Variants in MFN1 observed in about 807,000 individuals in gnomAD.
MFN1 encodes mitofusin 1.
A neutral mutation model predicts 92.4 loss-of-function variants in MFN1; 65 were observed. That is an observed-to-expected ratio of 0.70 (90% CI 0.58 to 0.86). The LOEUF (loss-of-function observed/expected upper bound fraction) is 0.86, where lower values mean the gene tolerates loss of function less well. MFN1 is among the 40% of genes least tolerant of loss of function. The pLI is 0.00. For synonymous variants in MFN1, 297 were observed against 300.9 expected (o/e 0.99, Z 0.13); for missense variants, 781 against 868.0 (o/e 0.90, Z 1.26).
At position 179,378,422 on chromosome 3, in the gene MFN1, C is replaced by T; in HGVS notation, c.1411C>T (p.Gln471Ter). 1.3e-6 allele frequency: 2 copies of T among 1,596,862 alleles called. No homozygotes were observed. Among genetic ancestry groups the T allele is most frequent in the Non-Finnish European group, 1.7e-6 (2 of 1,175,372 alleles). ...CGATGAAGTAAACGCCTTAGTGCTT[C>T]AGACCCAGCAAGAAATTATTGGTAA... is the stretch of plus-strand genomic sequence containing the variant. ...CTDEVNALVL[Q>*]TQQEIIENLK... Residue 471 changes from glutamine to a stop codon, truncating the protein, a stop_gained, in exon 13 of 18, where the codon CAG becomes TAG. Transcript: ENST00000471841. LOFTEE classifies it high-confidence loss of function.
intron 12 of MFN1, 62 bp from the exon 13 acceptor site, chr3:179,378,279 C>T: frequency 8.1e-7 from 1 of 1,233,112 alleles, no homozygotes; most frequent in Non-Finnish European, 1.2e-6. Context: ...TATTTTATGT[C>T]TTTATAAAAA....
rs79382633 is a variant in MFN1 at position 179,393,844 on chromosome 3, T to C, written c.*1785T>C. 1.5e-3 allele frequency: 231 copies of C among 152,380 alleles called. 7 individuals are homozygous for C. The East Asian group carries it at 0.038, about 25-fold the overall frequency. 9.4% of individuals were successfully genotyped at this position (152,380 alleles called of 1,614,324 possible). A position where few individuals can be genotyped will look rare whatever the true frequency, so the allele number is the denominator to read the frequency against. ...TACAGTGGTTCTCAAAGTTTGGTCCTGGGTCATCGACATTACTTCTTTTTC... is the reference window on the plus strand; with the variant it reads ...TACAGTGGTTCTCAAAGTTTGGTCCCGGGTCATCGACATTACTTCTTTTTC... On this transcript the variant is annotated 3_prime_UTR_variant, in exon 18 of 18. Transcript: ENST00000471841.
intron 3 of MFN1, among the ~76,000 whole-genome samples, chr3:179,355,164 T>C (rs1220927350): frequency 6.6e-6 from 1 of 152,168 alleles, no homozygotes; most frequent in Non-Finnish European, 1.5e-5. Flanking sequence ...AAACTGTATG[T>C]ATTATATACA....
At chr3:179,349,369 C>G (rs963417370) in intron 2 of MFN1, among the ~76,000 whole-genome samples, 1 of 152,212 alleles carries the variant, frequency 6.6e-6, no homozygotes, top group Non-Finnish European at 1.5e-5. Flanking sequence ...ATACTTGTCT[C>G]CTCCCCAATT....
chr3:179,362,035 G>A (rs917879313), intron 4 of MFN1, among the ~76,000 whole-genome samples: 8 of 152,094 alleles, frequency 5.3e-5, no homozygotes, highest in Non-Finnish European at 8.8e-5. Flanking sequence ...TCTTCCATAT[G>A]ACTAAGTGAT....
chr3:179,351,925 TCGAATAGCCA>T lies in MFN1; in HGVS notation c.140_149del (p.Arg47LeufsTer6). 1 of 1,607,338 alleles carries T rather than the reference TCGAATAGCCA, an allele frequency of 6.2e-7. No individual in the cohort carries two copies. On this transcript the variant is annotated frameshift_variant, in exon 3 of 18. Coordinates refer to ENST00000471841, the MANE Select transcript of MFN1 (RefSeq NM_033540.3). LOFTEE classifies it high-confidence loss of function. ...CAACATATAAGAATCCGGAACTTGA[TCGAATAGCCA>T]CTGAAGATGATCTGGTAGAAATGCA... is the stretch of plus-strand genomic sequence containing the variant.
intron 9 of MFN1, among the ~76,000 whole-genome samples, chr3:179,370,440 G>A (rs1275985047): frequency 4.2e-5 from 5 of 118,586 alleles, no homozygotes; most frequent in African/African-American, 1.3e-4. Flanking sequence ...CTCTGTCGCC[G>A]CCAGGCTGGA....
chr3:179,364,488 A>G (rs1463060936), intron 6 of MFN1, 83 bp downstream of exon 6: 9 of 1,108,660 alleles, frequency 8.1e-6, no homozygotes, highest in Admixed American at 2.1e-5. Context: ...AGGGAAATCC[A>G]TATCGTGGAT....
chr3:179,374,275 C>G (rs1222041406), intron 9 of MFN1, among the ~76,000 whole-genome samples: 4 of 144,798 alleles, frequency 2.8e-5, no homozygotes, highest in African/African-American at 9.9e-5. Context: ...TGCACTCCAG[C>G]CTTGGTGACA....
intron 14 of MFN1, among the ~76,000 whole-genome samples, chr3:179,382,825 A>G (rs954420072): frequency 6.6e-6 from 1 of 152,216 alleles, no homozygotes; most frequent in African/African-American, 2.4e-5. Flanking sequence ...ATGGCCAGTG[A>G]TGATGAACAT....
Position 179,367,661 on chromosome 3 carries a change from A to G in MFN1, c.907+69A>G, listed in dbSNP as rs991914341. 6.6e-6 allele frequency: 9 copies of G among 1,364,104 alleles called. No individual in the cohort carries two copies. The African/African-American group carries it at 8.9e-5, about 13-fold the overall frequency. 84.5% of individuals were successfully genotyped at this position (1,364,104 alleles called of 1,614,324 possible). ...TAAAATTGGCTGGGTGCGGTGGCTC[A>G]CGCCTGTAATCCCAGCACTTTGGAA... On this transcript the variant is annotated intron_variant, in intron 8 of 17. Transcript: ENST00000471841.
chr3:179,357,720 A>G (rs1392050737), intron 3 of MFN1, among the ~76,000 whole-genome samples: 2 of 152,162 alleles, frequency 1.3e-5, no homozygotes, highest in East Asian at 1.9e-4. Flanking sequence ...CCTTTTTCCT[A>G]TGACTGCATA....
chr3:179,390,275 C>T, intron 17 of MFN1, 137 bp downstream of exon 17: 1 of 799,820 alleles, frequency 1.3e-6, no homozygotes, highest in Non-Finnish European at 1.8e-6. Flanking sequence ...TATTTAATTC[C>T]ATGTGGTTTG....
rs1224777403 is a variant in MFN1, at chr3:179,377,350, T to C, written c.1231T>C (p.Cys411Arg). 3.7e-6 allele frequency: 6 copies of C among 1,601,682 alleles called. No individual in the cohort carries two copies. The African/African-American group carries it at 4.0e-5, about 11-fold the overall frequency. Residue 411 changes from cysteine to arginine, a missense_variant, in exon 12 of 18, where the codon TGT becomes CGT. Coordinates refer to ENST00000471841, the MANE Select transcript of MFN1 (RefSeq NM_033540.3). ...AAAATTTTCATATTTTCAGGTTTCATGTGCAATGACAGATGAAATTTGTCG... is the reference window on the plus strand; with the variant it reads ...AAAATTTTCATATTTTCAGGTTTCACGTGCAATGACAGATGAAATTTGTCG... ...VTEEVANKVSCAMTDEICRLS... is the reference protein window; with the variant it reads ...VTEEVANKVSRAMTDEICRLS...
chr3:179,384,007 A>G (rs554922616), intron 14 of MFN1, among the ~76,000 whole-genome samples: 1 of 152,298 alleles, frequency 6.6e-6, no homozygotes, highest in East Asian at 1.9e-4. Context: ...CAGCCTCACC[A>G]CTAATCTGCC....
chr3:179,349,328 C>T (rs1560187968), intron 2 of MFN1, among the ~76,000 whole-genome samples: 2 of 152,104 alleles, frequency 1.3e-5, no homozygotes, highest in Non-Finnish European at 2.9e-5. Flanking sequence ...AGTGCCCAGA[C>T]AAAAAATCAG....
At chr3:179,361,639 C>A (rs1372338484) in intron 4 of MFN1, among the ~76,000 whole-genome samples, 1 of 151,728 alleles carries the variant, frequency 6.6e-6, no homozygotes, top group African/African-American at 2.4e-5. Flanking sequence ...TGGGTTCAAG[C>A]AATTCTCCTG....
chr3:179,373,955 G>A (rs994905552), intron 9 of MFN1, among the ~76,000 whole-genome samples: 1 of 151,898 alleles, frequency 6.6e-6, no homozygotes. Flanking sequence ...TTACAGGAGT[G>A]AGCCACCACG....
intron 7 of MFN1, among the ~76,000 whole-genome samples, 183 bp downstream of exon 7, chr3:179,365,408 A>G (rs972244941): frequency 6.6e-6 from 1 of 152,208 alleles, no homozygotes; most frequent in Admixed American, 6.5e-5. Context: ...TTGAGGGAAA[A>G]TTGTGTTATA....
Sources: gnomAD v4.1 joint callset for allele counts (sites outside exome capture counted in the v4.1 genomes callset) on GRCh38, gnomAD v4.1.1 for gene constraint, MANE v1.5 for transcripts, NCBI Gene and HGNC (gene_info 2026-07-23, HGNC 2026-07-21) for gene names.